Variants in NT5C2 observed in about 807,000 individuals in gnomAD.
NT5C2 encodes the protein 5'-nucleotidase, cytosolic II.
In NT5C2, 58 loss-of-function variants were observed where a neutral mutation model predicts 76.1. The observed-to-expected ratio is 0.76, with a 90% confidence interval of 0.62 to 0.95. The LOEUF (loss-of-function observed/expected upper bound fraction) is 0.95. NT5C2 is among the 40% of genes least tolerant of loss of function. The probability of loss-of-function intolerance (pLI) is 0.00; values close to 1 mark genes in which losing one functional copy is unlikely to be tolerated. For synonymous variants in NT5C2, 229 were observed against 237.4 expected, an observed-to-expected ratio of 0.96 and a Z score of 0.32; for missense variants, 478 against 690.3, an observed-to-expected ratio of 0.69 and a Z score of 3.45.
chr10:103,180,956 C>T (rs575444219), intron 2 of NT5C2, among the ~76,000 whole-genome samples: 10 of 151,986 alleles, frequency 6.6e-5, no homozygotes, highest in East Asian at 3.9e-4. Context: ...TGTATGATTC[C>T]GTATATATAA....
chr10:103,110,559 T>C (rs1464221506), intron 4 of NT5C2, among the ~76,000 whole-genome samples: 1 of 152,182 alleles, frequency 6.6e-6, no homozygotes, highest in African/African-American at 2.4e-5. Context: ...AGCTTGGGTG[T>C]TGAAACATAC....
At chr10:103,177,646 A>C (rs760561705) in intron 2 of NT5C2, among the ~76,000 whole-genome samples, 4 of 152,162 alleles carry the variant, frequency 2.6e-5, no homozygotes, top group Non-Finnish European at 4.4e-5. Context: ...CTCAGGCTCC[A>C]GAACAGCTAG....
intron 4 of NT5C2, among the ~76,000 whole-genome samples, chr10:103,124,248 C>T (rs2076259464): frequency 1.3e-5 from 2 of 151,564 alleles, no homozygotes; most frequent in Admixed American, 6.6e-5. Context: ...ACCTGTTGTC[C>T]AAAATCTATT....
intron 4 of NT5C2, among the ~76,000 whole-genome samples, chr10:103,116,885 G>GT (rs1463566408): frequency 2.6e-5 from 4 of 151,920 alleles, no homozygotes; most frequent in Non-Finnish European, 4.4e-5. Flanking sequence ...CAGAAATATT[G>GT]TAACTATACT....
intron 3 of NT5C2, among the ~76,000 whole-genome samples, chr10:103,150,430 T>C (rs763988053): frequency 3.3e-5 from 5 of 152,234 alleles, no homozygotes; most frequent in African/African-American, 7.2e-5. Flanking sequence ...ATTCAGTTAA[T>C]GGACACTTGG....
rs1431496089 is a variant in NT5C2 at position 103,098,944 on chromosome 10, T to C, written c.674A>G (p.Tyr225Cys). Reference sequence around the variant, plus strand: ...TATATTACTTACATCTTTGACTACATACTTCTCAAGATTTTCAACTGTCTT... The same window carrying C: ...TATATTACTTACATCTTTGACTACACACTTCTCAAGATTTTCAACTGTCTT... ...KEKTVENLEK[Y>C]VVKDGKLPLL... Residue 225 changes from tyrosine to cysteine, a missense_variant, in exon 10 of 19, where the codon TAT (tyrosine) becomes TGT (cysteine). By Grantham distance (194) the Tyr-to-Cys change is radical. Transcript: ENST00000404739. 1.9e-6 allele frequency: 3 copies of C among 1,607,076 alleles called. No homozygotes were observed. The highest frequency in any genetic ancestry group is 1.1e-5 in the South Asian group (1 of 90,540).
At chr10:103,137,063 T>C (rs2079431223) in intron 4 of NT5C2, among the ~76,000 whole-genome samples, 1 of 152,246 alleles carries the variant, frequency 6.6e-6, no homozygotes, top group Non-Finnish European at 1.5e-5. Context: ...TTGAACTATT[T>C]CAATGTAAAG....
intron 1 of NT5C2, among the ~76,000 whole-genome samples, chr10:103,188,516 C>T (rs892621728): frequency 2.0e-5 from 3 of 152,056 alleles, no homozygotes; most frequent in African/African-American, 7.2e-5. Flanking sequence ...GCATAAAAGA[C>T]AAAAAATGCA....
chr10:103,090,834 T>C, intron 17 of NT5C2, 47 bp from the exon 18 acceptor site: 2 of 1,600,020 alleles, frequency 1.2e-6, no homozygotes, highest in Non-Finnish European at 1.7e-6. Context: ...AACAAATATT[T>C]ATTGAGCAGT....
chr10:103,135,497 G>A (rs1345727189), intron 4 of NT5C2, among the ~76,000 whole-genome samples: 1 of 152,114 alleles, frequency 6.6e-6, no homozygotes, highest in African/African-American at 2.4e-5. Flanking sequence ...CTTTCTGGTT[G>A]GGCTCGGTGG....
chr10:103,116,288 G>T (rs981577561), intron 4 of NT5C2, among the ~76,000 whole-genome samples: 2 of 152,026 alleles, frequency 1.3e-5, no homozygotes, highest in African/African-American at 4.8e-5. Context: ...TGCTATTTTG[G>T]ATTTTTGTTT....
At chr10:103,160,096 A>G (rs1226724818) in intron 3 of NT5C2, among the ~76,000 whole-genome samples, 1 of 152,228 alleles carries the variant, frequency 6.6e-6, no homozygotes, top group East Asian at 1.9e-4. Context: ...TCATACATCT[A>G]TGTTCAAATG....
At chr10:103,118,864 T>C (rs187440354) in intron 4 of NT5C2, among the ~76,000 whole-genome samples, 5 of 152,254 alleles carry the variant, frequency 3.3e-5, no homozygotes, top group African/African-American at 9.6e-5. Flanking sequence ...TCTTTTTATC[T>C]GTTACCCTAG....
chr10:103,090,259 C>T, intron 18 of NT5C2: 1 of 326,608 alleles, frequency 3.1e-6, no homozygotes, highest in South Asian at 8.3e-5. Context: ...TCGCTGTCAC[C>T]CAGGCTGGAG....
At chr10:103,192,283 C>T (rs1307492157) in intron 1 of NT5C2, among the ~76,000 whole-genome samples, 1 of 152,148 alleles carries the variant, frequency 6.6e-6, no homozygotes, top group Non-Finnish European at 1.5e-5. Context: ...GGCGCGCACA[C>T]ACCCCCCTGT....
intron 4 of NT5C2, among the ~76,000 whole-genome samples, chr10:103,130,853 C>T (rs2136066022): frequency 6.6e-6 from 1 of 152,064 alleles, no homozygotes; most frequent in African/African-American, 2.4e-5. Flanking sequence ...ATCAAAAAAC[C>T]CCTCTCCCCA....
rs867933601 is a variant in NT5C2, at chr10:103,129,041, C to G, written c.175+10365G>C. On this transcript the variant is annotated intron_variant, in intron 4 of 18. Transcript: ENST00000404739. ...GGAGGGAGGTGGGGGGTCAGCCCCCCCGACCGGCCAGCCGTGCCATCCGGG... is the reference window on the plus strand; with the variant it reads ...GGAGGGAGGTGGGGGGTCAGCCCCCGCGACCGGCCAGCCGTGCCATCCGGG... 4.4e-3 allele frequency among the ~76,000 whole-genome samples: 527 copies of G among 118,720 alleles called. 4 individuals are homozygous for G. The highest frequency in any genetic ancestry group is 0.016 in the African/African-American group (486 of 31,184). The allele number at this position is 118,720 out of a possible 152,430, so 77.9% of individuals were successfully genotyped here. A position where few individuals can be genotyped will look rare whatever the true frequency, so the allele number is the denominator to read the frequency against.
Position 103,113,750 on chromosome 10 carries a change from T to C in NT5C2, c.176-7044A>G, listed in dbSNP as rs571025034. 6.6e-5 allele frequency among the ~76,000 whole-genome samples: 10 copies of C among 152,310 alleles called. No individual in the cohort carries two copies. In the East Asian group the frequency reaches 1.5e-3, roughly 23 times the overall value. ...GACTAATCAAATGACTAAGAAAGTA[T>C]AGAGAGACAAAAAGAGGACCAATCA... On this transcript the variant is annotated intron_variant, in intron 4 of 18. Transcript: ENST00000404739.
intron 1 of NT5C2, among the ~76,000 whole-genome samples, chr10:103,183,488 C>A (rs1013253119): frequency 6.9e-6 from 1 of 144,954 alleles, no homozygotes; most frequent in Non-Finnish European, 1.5e-5. Flanking sequence ...TCTTCTACTG[C>A]AAAAATAATT....
Sources: gnomAD v4.1 joint callset for allele counts (sites outside exome capture counted in the v4.1 genomes callset) on GRCh38, gnomAD v4.1.1 for gene constraint, MANE v1.5 for transcripts, NCBI Gene and HGNC (gene_info 2026-07-23, HGNC 2026-07-21) for gene names.